Variants in FHOD3 observed in about 807,000 individuals in gnomAD.
FHOD3 encodes formin homology 2 domain containing 3, also known as FH1/FH2 domain-containing protein 3.
A neutral mutation model predicts 173.0 loss-of-function variants in FHOD3; 90 were observed. That is an observed-to-expected ratio of 0.52 (90% CI 0.44 to 0.62). The LOEUF (loss-of-function observed/expected upper bound fraction) is 0.62. Ranked by LOEUF, FHOD3 falls within the 20% of genes least tolerant of loss-of-function variation. FHOD3 has a pLI of 0.00. For missense variants in FHOD3, 1,945 were observed against 2,034.7 expected, an observed-to-expected ratio of 0.96 and a Z score of 0.85; for synonymous variants, 828 against 823.0, an observed-to-expected ratio of 1.01 and a Z score of -0.10.
At chr18:36,337,201 T>A (rs963483858) in intron 1 of FHOD3, among the ~76,000 whole-genome samples, 1 of 151,822 alleles carries the variant, frequency 6.6e-6, no homozygotes, top group Non-Finnish European at 1.5e-5. Context: ...TTAATTTTTA[T>A]ATTAAAGGTC....
intron 6 of FHOD3, among the ~76,000 whole-genome samples, chr18:36,579,737 C>T (rs527353527): frequency 6.6e-6 from 1 of 152,294 alleles, no homozygotes; most frequent in African/African-American, 2.4e-5. Flanking sequence ...TGGGCCCTCA[C>T]AGTCAGTGCC....
intron 27 of FHOD3, among the ~76,000 whole-genome samples, chr18:36,765,123 G>A (rs1438175598): frequency 6.6e-6 from 1 of 152,240 alleles, no homozygotes; most frequent in Non-Finnish European, 1.5e-5. Flanking sequence ...AGCACTGCGG[G>A]ATGGGGGTTG....
At chr18:36,770,823 G>T (rs951526692) in intron 28 of FHOD3, among the ~76,000 whole-genome samples, 6 of 152,164 alleles carry the variant, frequency 3.9e-5, no homozygotes, top group African/African-American at 7.2e-5. Flanking sequence ...AACCTCAGGG[G>T]TGAGGCCTTG....
intron 20 of FHOD3, among the ~76,000 whole-genome samples, chr18:36,739,003 C>A (rs1164396663): frequency 6.6e-6 from 1 of 152,176 alleles, no homozygotes; most frequent in Non-Finnish European, 1.5e-5. Flanking sequence ...ATGACCAAAA[C>A]AGGATCTGGT....
chr18:36,447,949 G>C (rs1001224624), intron 3 of FHOD3, among the ~76,000 whole-genome samples: 4 of 152,226 alleles, frequency 2.6e-5, no homozygotes, highest in Non-Finnish European at 4.4e-5. Context: ...CCAGGAGACA[G>C]GAGGACTGGG....
At chr18:36,373,986 G>A (rs116992151) in intron 3 of FHOD3, among the ~76,000 whole-genome samples, 15 of 152,330 alleles carry the variant, frequency 9.8e-5, no homozygotes, top group Non-Finnish European at 2.1e-4. Context: ...GTACTGAACA[G>A]TGTTGAAGTT....
intron 18 of FHOD3, chr18:36,710,832 G>A (rs1277996911): frequency 1.3e-5 from 2 of 152,156 alleles, no homozygotes; most frequent in Non-Finnish European, 2.9e-5. Context: ...ACTGGGTGTA[G>A]GGTAAGTCTT....
intron 4 of FHOD3, among the ~76,000 whole-genome samples, chr18:36,508,282 A>T (rs8091709): frequency 0.096 from 13,988 of 145,034 alleles, 831 homozygotes; most frequent in East Asian, 0.33. Flanking sequence ...TTTTTTTTTT[A>T]AAAAAAGCTA....
chr18:36,634,300 C>A (rs1289556565), intron 10 of FHOD3, among the ~76,000 whole-genome samples: 1 of 152,064 alleles, frequency 6.6e-6, no homozygotes, highest in Non-Finnish European at 1.5e-5. Context: ...AAGCAGTGGG[C>A]AAATCGGGGA....
intron 22 of FHOD3, among the ~76,000 whole-genome samples, chr18:36,743,155 A>G (rs989669293): frequency 6.6e-5 from 10 of 152,028 alleles, no homozygotes; most frequent in Non-Finnish European, 1.2e-4. Context: ...TAAAAATACA[A>G]AAAATTAGCC....
At chr18:36,537,065 G>A (rs1334583838) in intron 5 of FHOD3, among the ~76,000 whole-genome samples, 1 of 152,132 alleles carries the variant, frequency 6.6e-6, no homozygotes, top group Admixed American at 6.5e-5. Flanking sequence ...TAAAGCCAAA[G>A]CTTTCACTTG....
At position 36,653,358 on chromosome 18, in the gene FHOD3, T is replaced by C. The variant is rs1049312220; in HGVS notation, c.1663T>C (p.Ser555Pro). 6.5e-6 allele frequency: 10 copies of C among 1,535,106 alleles called. No homozygotes were observed. Among genetic ancestry groups the C allele is most frequent in the African/African-American group, 1.4e-5 (1 of 73,140 alleles). ...QKENSSSDSF[S>P]LSTYSASEPY... The stretch of plus-strand genomic sequence containing the variant: ...CTTTGACAGTTCCTCTGATTCTTTC[T>C]CTTTGAGCACATATTCTGCCTCTGA... The change falls in exon 13 of 29, where the codon TCT (serine) becomes CCT (proline). Residue 555 changes from serine (S) to proline (P), a missense_variant. This residue lies in a region of FHOD3 where 1,099 missense variants were observed against 1,051.2 expected (regional missense o/e 1.05). Coordinates refer to ENST00000590592, the MANE Select transcript of FHOD3 (RefSeq NM_001281740.3).
intron 20 of FHOD3, among the ~76,000 whole-genome samples, chr18:36,739,172 G>C (rs1243525678): frequency 2.0e-5 from 3 of 152,140 alleles, no homozygotes; most frequent in Non-Finnish European, 2.9e-5. Context: ...CCCCTTTCCA[G>C]GGCAAGACCA....
In FHOD3 at chr18:36,592,159, C is replaced by T. The variant is rs893597648; in HGVS notation, c.607-2628C>T. 2.6e-5 allele frequency among the ~76,000 whole-genome samples: 4 copies of T among 152,172 alleles called. No individual in the cohort carries two copies. The East Asian group carries it at 7.7e-4, about 29-fold the overall frequency. Reference sequence around the variant, plus strand: ...ACTTGAACCTGGGAGGTGGAGGTTGCAGTGAGCTGAGATTGCACCACTTGC... The same window carrying T: ...ACTTGAACCTGGGAGGTGGAGGTTGTAGTGAGCTGAGATTGCACCACTTGC... On this transcript the variant is annotated intron_variant, in intron 6 of 28. Transcript: ENST00000590592.
intron 9 of FHOD3, among the ~76,000 whole-genome samples, chr18:36,613,694 G>T (rs2032922606): frequency 6.6e-6 from 1 of 152,106 alleles, no homozygotes; most frequent in South Asian, 2.1e-4. Context: ...TGTTTTTTGA[G>T]ACAGTCTCTC....
intron 5 of FHOD3, among the ~76,000 whole-genome samples, chr18:36,541,249 CAAAA>C (rs770104487): frequency 2.5e-5 from 1 of 40,358 alleles, no homozygotes; most frequent in African/African-American, 8.8e-5. Context: ...GACTCTGTCT[CAAAA>C]AAAAAAAAAA....
chr18:36,318,153 A>G (rs2044220440), intron 1 of FHOD3, among the ~76,000 whole-genome samples: 2 of 152,192 alleles, frequency 1.3e-5, no homozygotes, highest in South Asian at 4.1e-4. Context: ...GAAGTCAGGT[A>G]GCGTGATGCC....
intron 1 of FHOD3, among the ~76,000 whole-genome samples, chr18:36,305,909 CCTT>C (rs565018652): frequency 6.6e-6 from 1 of 152,194 alleles, no homozygotes; most frequent in Non-Finnish European, 1.5e-5. Flanking sequence ...TTTGAGGTCA[CCTT>C]CTTCAACCCT....
chr18:36,402,263 C>T (rs911093485), intron 3 of FHOD3, among the ~76,000 whole-genome samples: 2 of 152,084 alleles, frequency 1.3e-5, no homozygotes, highest in African/African-American at 4.8e-5. Context: ...CACATGGCAG[C>T]AAAGAGGCCT....
Sources: allele counts gnomAD v4.1 joint callset (sites outside exome capture counted in the v4.1 genomes callset), GRCh38; gene constraint gnomAD v4.1.1; regional missense constraint gnomAD v4.1.1; transcripts MANE v1.5; gene names NCBI Gene and HGNC (gene_info 2026-07-23, HGNC 2026-07-21).